Variants in KCNMA1 observed in about 807,000 individuals in gnomAD.
The protein encoded by KCNMA1 is Calcium-activated potassium channel subunit alpha-1.
KCNMA1 carries 29 observed loss-of-function variants against 140.0 expected under a neutral mutation model. That is an observed-to-expected ratio of 0.21 (90% CI 0.15 to 0.28). KCNMA1 has a LOEUF of 0.28. Among genes scored for constraint, KCNMA1 ranks in the 10% least tolerant of loss-of-function variants. The pLI is 1.00. For missense variants in KCNMA1, 880 were observed against 1,602.2 expected (o/e 0.55, Z 7.70); for synonymous variants, 612 against 611.9 (o/e 1.00, Z 0.00).
chr10:77,326,954 T>A (rs1399474570), intron 2 of KCNMA1, among the ~76,000 whole-genome samples: 1 of 152,016 alleles, frequency 6.6e-6, no homozygotes, highest in Non-Finnish European at 1.5e-5. Flanking sequence ...GGGTCATCCC[T>A]CCCCAGTATA....
chr10:77,556,931 G>C (rs1176177663), intron 1 of KCNMA1, among the ~76,000 whole-genome samples: 1 of 151,838 alleles, frequency 6.6e-6, no homozygotes, highest in Non-Finnish European at 1.5e-5. Flanking sequence ...ACCCCTGCCA[G>C]GGCAGAGACT....
chr10:77,447,257 G>A (rs116408058), intron 1 of KCNMA1, among the ~76,000 whole-genome samples: 2,113 of 152,316 alleles, frequency 0.014, 59 homozygotes, highest in African/African-American at 0.048. Context: ...TGGGTTGGCC[G>A]AGGTTTTGTG....
At chr10:77,333,060 T>C (rs1379955124) in intron 2 of KCNMA1, among the ~76,000 whole-genome samples, 3 of 152,200 alleles carry the variant, frequency 2.0e-5, no homozygotes, top group Admixed American at 6.5e-5. Flanking sequence ...TTCTGCTTCC[T>C]GCTTGGAGCT....
intron 2 of KCNMA1, among the ~76,000 whole-genome samples, chr10:77,368,485 T>C (rs558312370): frequency 6.6e-6 from 1 of 152,354 alleles, no homozygotes; most frequent in African/African-American, 2.4e-5. Context: ...TCTCCCATTA[T>C]GTAGCTTATC....
chr10:77,377,086 A>G (rs1466524242), intron 2 of KCNMA1, among the ~76,000 whole-genome samples: 1 of 152,184 alleles, frequency 6.6e-6, no homozygotes, highest in Admixed American at 6.5e-5. Flanking sequence ...GCCTGCGCCT[A>G]GGTGACCTTG....
At chr10:77,395,293 G>A (rs2096006915) in intron 2 of KCNMA1, among the ~76,000 whole-genome samples, 1 of 151,978 alleles carries the variant, frequency 6.6e-6, no homozygotes, top group Admixed American at 6.6e-5. Flanking sequence ...GAGGTTGCAG[G>A]GAGCTATGAT....
intron 6 of KCNMA1, among the ~76,000 whole-genome samples, chr10:77,116,395 T>C (rs2097465762): frequency 6.6e-6 from 1 of 152,098 alleles, no homozygotes; most frequent in Non-Finnish European, 1.5e-5. Context: ...TTCTGGGGCC[T>C]CCTTTGTCCT....
chr10:76,872,733 AAAGCCCATCAAACATTGTATACCTCTG>A (rs2031595723), downstream of KCNMA1: 1 of 152,216 alleles, frequency 6.6e-6, no homozygotes, highest in Admixed American at 6.5e-5. Flanking sequence ...AAATGCCTCC[AAAGCCCATCAAACATTGTATACCTCTG>A]CATTCTTGCC....
At chr10:77,592,098 G>A (rs537165052) in intron 1 of KCNMA1, among the ~76,000 whole-genome samples, 4 of 152,140 alleles carry the variant, frequency 2.6e-5, no homozygotes, top group South Asian at 2.1e-4. Context: ...ATCCTTGCTC[G>A]GAGGGAGCAG....
chr10:77,566,632 C>G (rs1281629360), intron 1 of KCNMA1, among the ~76,000 whole-genome samples: 2 of 152,170 alleles, frequency 1.3e-5, no homozygotes, highest in Admixed American at 1.3e-4. Context: ...AATTCCATTG[C>G]CATAACTTGG....
Position 76,886,969 on chromosome 10 carries a change from A to C in KCNMA1, c.*297T>G. 1 of 1,244,178 alleles carries C rather than the reference A, an allele frequency of 8.0e-7. No homozygotes were observed. Among genetic ancestry groups the C allele is most frequent in the Non-Finnish European group, 1.0e-6 (1 of 979,432 alleles). 77.1% of individuals were successfully genotyped at this position (1,244,178 alleles called of 1,614,324 possible). A position where few individuals can be genotyped will look rare whatever the true frequency, so the allele number is the denominator to read the frequency against. On this transcript the variant is annotated 3_prime_UTR_variant, in exon 28 of 28. Coordinates refer to ENST00000286628, the MANE Select transcript of KCNMA1 (RefSeq NM_001161352.2). ...CGTTGATCACAAGTGCTCCCTTCTA[A>C]TCTGTGAACTCGTTCCTGCAGTGAG...
chr10:77,201,306 G>T (rs908165837), intron 3 of KCNMA1, among the ~76,000 whole-genome samples: 6 of 152,146 alleles, frequency 3.9e-5, no homozygotes, highest in African/African-American at 1.4e-4. Context: ...ATATTTGTTT[G>T]GTGGATTTCC....
intron 2 of KCNMA1, among the ~76,000 whole-genome samples, chr10:77,315,870 C>A (rs184914511): frequency 2.0e-5 from 3 of 152,250 alleles, no homozygotes; most frequent in East Asian, 3.9e-4. Context: ...AGTGGAGGAT[C>A]CCATCACCAC....
At chr10:76,941,390 C>T (rs2062341613) in intron 23 of KCNMA1, among the ~76,000 whole-genome samples, 1 of 152,276 alleles carries the variant, frequency 6.6e-6, no homozygotes, top group South Asian at 2.1e-4. Flanking sequence ...AAACTCAGCT[C>T]ACAGAGTCAG....
At chr10:77,194,700 C>G (rs1187252399) in intron 3 of KCNMA1, among the ~76,000 whole-genome samples, 1 of 152,010 alleles carries the variant, frequency 6.6e-6, no homozygotes, top group African/African-American at 2.4e-5. Flanking sequence ...AGTTCCAACT[C>G]TTGTACCTCT....
intron 1 of KCNMA1, among the ~76,000 whole-genome samples, chr10:77,600,128 G>A (rs1236035743): frequency 6.6e-6 from 1 of 152,120 alleles, no homozygotes; most frequent in African/African-American, 2.4e-5. Context: ...CATCCACCTT[G>A]GCACATGCTA....
At chr10:76,936,096 G>A (rs1215275207) in intron 23 of KCNMA1, among the ~76,000 whole-genome samples, 1 of 152,198 alleles carries the variant, frequency 6.6e-6, no homozygotes, top group African/African-American at 2.4e-5. Flanking sequence ...ATTCTCTTAA[G>A]TTGAAGTCAT....
chr10:77,491,433 C>A (rs74365053), intron 1 of KCNMA1, among the ~76,000 whole-genome samples: 1 of 152,148 alleles, frequency 6.6e-6, no homozygotes, highest in Non-Finnish European at 1.5e-5. Context: ...ATTCCCCCCA[C>A]GGCGTGCTAT....
At chr10:76,956,774 A>G (rs1398698324) in intron 20 of KCNMA1, among the ~76,000 whole-genome samples, 1 of 152,158 alleles carries the variant, frequency 6.6e-6, no homozygotes, top group Non-Finnish European at 1.5e-5. Context: ...AATACCAAGA[A>G]AAAAGCTGTT....
Sources: allele counts gnomAD v4.1 joint callset (sites outside exome capture counted in the v4.1 genomes callset), GRCh38; gene constraint gnomAD v4.1.1; transcripts MANE v1.5; gene names NCBI Gene and HGNC (gene_info 2026-07-23, HGNC 2026-07-21).